The following UGDH variants were observed in gnomAD, a reference collection of about 807,000 sequenced individuals.
UGDH encodes the protein UDP-Glc dehydrogenase.
Under a neutral mutation model 50.6 loss-of-function variants are expected in UGDH, and 38 were observed. The observed-to-expected ratio is 0.75, with a 90% CI of 0.58 to 0.98. The LOEUF is 0.98. Among genes scored for constraint, UGDH ranks in the 50% least tolerant of loss-of-function variants. The pLI is 0.00. For synonymous variants in UGDH, 168 were observed against 199.9 expected, an observed-to-expected ratio of 0.84 and a Z score of 1.35; for missense variants, 465 against 606.2, an observed-to-expected ratio of 0.77 and a Z score of 2.45.
At chr4:39,526,238 TGTCTAAGG>T (rs1262382695) in intron 1 of UGDH, 1 of 152,226 alleles carries the variant, frequency 6.6e-6, no homozygotes, top group Non-Finnish European at 1.5e-5. Flanking sequence ...ATTAATTTTA[TGTCTAAGG>T]GTTATCATGT....
chr4:39,499,658 A>T lies in UGDH; in HGVS notation c.*485T>A, dbSNP rs1297169891. 2.0e-5 allele frequency: 3 copies of T among 152,260 alleles called. No homozygotes were observed. Among genetic ancestry groups the T allele is most frequent in the African/African-American group, 7.2e-5 (3 of 41,462 alleles). 9.4% of individuals were successfully genotyped at this position (152,260 alleles called of 1,614,324 possible). ...AAATATGTAAAAAAATTCTAGATTCATAATTACCAGATATGCTAATATCCA... is the reference window on the plus strand; with the variant it reads ...AAATATGTAAAAAAATTCTAGATTCTTAATTACCAGATATGCTAATATCCA... On this transcript the variant is annotated 3_prime_UTR_variant, in exon 12 of 12. Transcript: ENST00000316423.
At position 39,500,199 on chromosome 4, in the gene UGDH, C is replaced by G; in HGVS notation, c.1429G>C (p.Gly477Arg). 1 of 1,604,674 alleles carries G rather than the reference C, an allele frequency of 6.2e-7. No individual in the cohort carries two copies. The highest frequency in any genetic ancestry group is 2.2e-5 in the East Asian group (1 of 44,784). ...SSKRIPYAPS[G>R]EIPKFSLQDP... ...TGAAGACTAAACTTCGGAATTTCAC[C>G]AGAAGGAGCATATGGAATTCTCTTT... The change falls in exon 12 of 12, where the codon GGT becomes CGT. Residue 477 changes from glycine (G) to arginine (R), a missense_variant. Coordinates refer to ENST00000316423, the MANE Select transcript of UGDH (RefSeq NM_003359.4).
In UGDH at chr4:39,508,717, T is replaced by C. The variant is rs1746121404; in HGVS notation, c.812-57A>G. 7 of 1,455,606 alleles carry C rather than the reference T, an allele frequency of 4.8e-6. No homozygotes were observed. The African/African-American group carries it at 6.0e-5, about 12-fold the overall frequency. The allele number at this position is 1,455,606 out of a possible 1,614,324, so 90.2% of individuals were successfully genotyped here. On this transcript the variant is annotated intron_variant, in intron 6 of 11. Transcript: ENST00000316423. Reference sequence around the variant, plus strand: ...ATGTAAGAACGAGAAAACTCAATCATGTGACAAATTTCTTTATACTAAATC... The same window carrying C: ...ATGTAAGAACGAGAAAACTCAATCACGTGACAAATTTCTTTATACTAAATC...
intron 2 of UGDH, among the ~76,000 whole-genome samples, chr4:39,514,883 T>C (rs1220974664): frequency 1.3e-5 from 2 of 152,104 alleles, no homozygotes; most frequent in Non-Finnish European, 2.9e-5. Flanking sequence ...GGTTTCACCA[T>C]GTTGGCTAGG....
intron 2 of UGDH, 39 bp from the exon 3 acceptor site, chr4:39,514,223 G>A: frequency 1.4e-6 from 2 of 1,448,664 alleles, no homozygotes; most frequent in South Asian, 1.2e-5. Flanking sequence ...CATATAGCTT[G>A]CCAGTGATAT....
chr4:39,510,763 AT>A lies in UGDH; in HGVS notation c.362del (p.Asn121MetfsTer6). ...ACARRIVQNS[N>X]GYKIVTEKST... ...TTTTCTCAGTCACAATTTTGTACCCATTTGAGTTTTGCACAATGCGTCTAGC... is the reference window on the plus strand; with the variant it reads ...TTTTCTCAGTCACAATTTTGTACCCATTGAGTTTTGCACAATGCGTCTAGC... On this transcript the variant is annotated frameshift_variant, in exon 4 of 12. Coordinates refer to ENST00000316423, the MANE Select transcript of UGDH (RefSeq NM_003359.4). LOFTEE classifies it high-confidence loss of function. The A allele has an allele frequency of 6.2e-7, 1 of 1,614,182 alleles. No homozygotes were observed. Among genetic ancestry groups the A allele is most frequent in the Non-Finnish European group, 8.5e-7 (1 of 1,180,026 alleles).
intron 1 of UGDH, among the ~76,000 whole-genome samples, chr4:39,524,792 A>G (rs1316378657): frequency 6.6e-6 from 1 of 152,128 alleles, no homozygotes; most frequent in African/African-American, 2.4e-5. Context: ...TACAGGTGTG[A>G]GCCATCGCAT....
chr4:39,504,108 A>T, intron 10 of UGDH, 123 bp from the exon 11 acceptor site: 1 of 761,214 alleles, frequency 1.3e-6, no homozygotes, highest in Non-Finnish European at 2.2e-6. Flanking sequence ...GGAGATCGAG[A>T]CCATCCTGGC....
chr4:39,500,074 C>G lies in UGDH; in HGVS notation c.*69G>C. ...ACTTGGTTCATTTACCATTTAATAGCAGATAGATATTTGCTATCCTGAAGT... is the reference window on the plus strand; with the variant it reads ...ACTTGGTTCATTTACCATTTAATAGGAGATAGATATTTGCTATCCTGAAGT... On this transcript the variant is annotated 3_prime_UTR_variant, in exon 12 of 12. Coordinates refer to ENST00000316423, the MANE Select transcript of UGDH (RefSeq NM_003359.4). The G allele has an allele frequency of 1.1e-6, 1 of 870,314 alleles. No individual in the cohort carries two copies. The highest frequency in any genetic ancestry group is 1.8e-6 in the Non-Finnish European group (1 of 564,906). 53.9% of individuals were successfully genotyped at this position (870,314 alleles called of 1,614,324 possible). A position where few individuals can be genotyped will look rare whatever the true frequency, so the allele number is the denominator to read the frequency against.
intron 5 of UGDH, 121 bp downstream of exon 5, chr4:39,510,232 T>A (rs1746186732): frequency 4.0e-6 from 4 of 1,004,456 alleles, no homozygotes; most frequent in Non-Finnish European, 5.9e-6. Context: ...TGTGCAAGAA[T>A]ATGATCTTCA....
In UGDH at chr4:39,499,304, A is replaced by G. The variant is rs1745700294; in HGVS notation, c.*839T>C. Reference sequence around the variant, plus strand: ...TTAACCATATTTGGGGTGACTGGAAATTAACAGTGATGATTTTGAGCTAAA... The same window carrying G: ...TTAACCATATTTGGGGTGACTGGAAGTTAACAGTGATGATTTTGAGCTAAA... On this transcript the variant is annotated 3_prime_UTR_variant, in exon 12 of 12. Coordinates refer to ENST00000316423, the MANE Select transcript of UGDH (RefSeq NM_003359.4). 1 of 152,200 alleles carries G rather than the reference A, an allele frequency of 6.6e-6. No individual in the cohort carries two copies. Among genetic ancestry groups the G allele is most frequent in the Admixed American group, 6.5e-5 (1 of 15,278 alleles). The allele number at this position is 152,200 out of a possible 1,614,324, so 9.4% of individuals were successfully genotyped here.
intron 2 of UGDH, 43 bp from the exon 3 acceptor site, chr4:39,514,227 G>T: frequency 7.1e-7 from 1 of 1,408,978 alleles, no homozygotes; most frequent in Non-Finnish European, 9.8e-7. Context: ...TAGCTTGCCA[G>T]TGATATGAGA....
chr4:39,500,333 G>C, intron 11 of UGDH, 80 bp from the exon 12 acceptor site: 1 of 848,556 alleles, frequency 1.2e-6, no homozygotes, highest in Non-Finnish European at 1.8e-6. Flanking sequence ...AATGGGAGCA[G>C]GGGGAATCTA....
rs1745695160 is a variant in UGDH, at chr4:39,499,158, C to A, written c.*985G>T. 1 of 147,386 alleles carries A rather than the reference C, an allele frequency of 6.8e-6. No homozygotes were observed. The highest frequency in any genetic ancestry group is 1.5e-5 in the Non-Finnish European group (1 of 66,776). 9.1% of individuals were successfully genotyped at this position (147,386 alleles called of 1,614,324 possible). ...TAAGAATGGAAATTAAAATGTAAAA[C>A]CAAGATAAATATTTTTGGCTTTTGG... On this transcript the variant is annotated 3_prime_UTR_variant, in exon 12 of 12. Transcript: ENST00000316423.
At chr4:39,507,460 A>G (rs1041014251) in intron 7 of UGDH, among the ~76,000 whole-genome samples, 1 of 152,190 alleles carries the variant, frequency 6.6e-6, no homozygotes, top group Non-Finnish European at 1.5e-5. Flanking sequence ...ATCCTGGCTC[A>G]CTACAACCTC....
At chr4:39,507,241 G>A (rs1438937702) in intron 7 of UGDH, among the ~76,000 whole-genome samples, 1 of 152,162 alleles carries the variant, frequency 6.6e-6, no homozygotes, top group Non-Finnish European at 1.5e-5. Flanking sequence ...CCCAGTACAG[G>A]GTAAGCATTC....
chr4:39,522,764 C>CT (rs5857683), intron 1 of UGDH, among the ~76,000 whole-genome samples: 4,618 of 133,688 alleles, frequency 0.035, 90 homozygotes, highest in South Asian at 0.067. Context: ...TCCCTCATGA[C>CT]TTTTTTTTTT....
At chr4:39,524,420 G>A (rs962683170) in intron 1 of UGDH, among the ~76,000 whole-genome samples, 5 of 152,054 alleles carry the variant, frequency 3.3e-5, no homozygotes, top group African/African-American at 1.2e-4. Flanking sequence ...GTCTCTTTTT[G>A]AGATGAAGAC....
chr4:39,504,548 G>A, intron 9 of UGDH, 40 bp from the exon 10 acceptor site: 5 of 1,547,090 alleles, frequency 3.2e-6, no homozygotes, highest in Non-Finnish European at 4.4e-6. Context: ...AAATAAGAAA[G>A]GAGTTATATG....
Sources: gnomAD v4.1 joint callset for allele counts (sites outside exome capture counted in the v4.1 genomes callset) on GRCh38, gnomAD v4.1.1 for gene constraint, MANE v1.5 for transcripts, NCBI Gene and HGNC (gene_info 2026-07-23, HGNC 2026-07-21) for gene names.